The following DPP10 variants were observed in gnomAD, a reference collection of about 807,000 sequenced individuals.
The protein encoded by DPP10 is inactive dipeptidyl peptidase 10.
A neutral mutation model predicts 120.9 loss-of-function variants in DPP10; 33 were observed. The ratio of observed to expected loss-of-function variants is 0.27; its 90% CI spans 0.21 to 0.37. DPP10 has a LOEUF of 0.37. DPP10 is among the 10% of genes least tolerant of loss of function. The pLI is 1.00. For synonymous variants in DPP10, 337 were observed against 326.1 expected (o/e 1.03, Z -0.36); for missense variants, 816 against 942.8 (o/e 0.87, Z 1.76).
chr2:115,615,624 G>T (rs1162782228), intron 5 of DPP10, among the ~76,000 whole-genome samples: 1 of 152,022 alleles, frequency 6.6e-6, no homozygotes. Flanking sequence ...AAAAACAATT[G>T]CTTTCCTATT....
At chr2:114,453,735 T>C (rs2104544753) in intron 1 of DPP10, among the ~76,000 whole-genome samples, 1 of 152,246 alleles carries the variant, frequency 6.6e-6, no homozygotes, top group Non-Finnish European at 1.5e-5. Flanking sequence ...TCCAAAGAAA[T>C]ACCTTGATCT....
At chr2:114,985,441 A>G (rs1401474794) in intron 1 of DPP10, among the ~76,000 whole-genome samples, 1 of 152,170 alleles carries the variant, frequency 6.6e-6, no homozygotes, top group East Asian at 1.9e-4. Context: ...TTACCTGTGT[A>G]TTGTCTGCTC....
intron 21 of DPP10, among the ~76,000 whole-genome samples, chr2:115,832,991 G>A (rs952304228): frequency 6.6e-6 from 1 of 152,114 alleles, no homozygotes; most frequent in Non-Finnish European, 1.5e-5. Context: ...CAGGTCTACT[G>A]AATTTGAATC....
At chr2:115,624,987 G>A (rs1484340815) in intron 5 of DPP10, among the ~76,000 whole-genome samples, 1 of 151,778 alleles carries the variant, frequency 6.6e-6, no homozygotes, top group African/African-American at 2.4e-5. Flanking sequence ...AGTTCCCCTG[G>A]GTTTATTAAA....
At chr2:114,944,396 A>G (rs1164981426) in intron 1 of DPP10, among the ~76,000 whole-genome samples, 2 of 152,126 alleles carry the variant, frequency 1.3e-5, no homozygotes, top group African/African-American at 4.8e-5. Flanking sequence ...CTTTTCTCTG[A>G]TACTAGTGAA....
At chr2:114,532,261 AT>A (rs1403709059) in intron 1 of DPP10, among the ~76,000 whole-genome samples, 5 of 14,770 alleles carry the variant, frequency 3.4e-4, no homozygotes, top group African/African-American at 9.0e-4. Context: ...ATCTCCATAT[AT>A]ATATATATAT....
intron 1 of DPP10, among the ~76,000 whole-genome samples, chr2:114,689,402 G>A (rs1430878325): frequency 6.6e-6 from 1 of 151,908 alleles, no homozygotes; most frequent in Non-Finnish European, 1.5e-5. Context: ...TCCCTGCAAA[G>A]GACATGATCT....
intron 5 of DPP10, among the ~76,000 whole-genome samples, chr2:115,552,627 C>G (rs2079944548): frequency 6.6e-6 from 1 of 152,078 alleles, no homozygotes; most frequent in African/African-American, 2.4e-5. Flanking sequence ...TGTGATAAAA[C>G]AGGGGCAAAT....
intron 1 of DPP10, among the ~76,000 whole-genome samples, chr2:114,742,274 C>T (rs1175029603): frequency 2.0e-5 from 3 of 149,802 alleles, no homozygotes; most frequent in Non-Finnish European, 4.5e-5. Flanking sequence ...CAGCAAATTG[C>T]AAAAACTAAT....
At chr2:114,491,412 CA>C (rs1459359093) in intron 1 of DPP10, among the ~76,000 whole-genome samples, 1 of 152,128 alleles carries the variant, frequency 6.6e-6, no homozygotes, top group African/African-American at 2.4e-5. Flanking sequence ...ATTAAACTTG[CA>C]ATGGATATCC....
At position 115,543,220 on chromosome 2, in the gene DPP10, C is replaced by G. The variant is rs183338949; in HGVS notation, c.441+17248C>G. Among the ~76,000 whole-genome samples the G allele has an allele frequency of 4.1e-4, 62 of 152,108 alleles. No homozygotes were observed. In the East Asian group the frequency reaches 0.012, roughly 29 times the overall value. On this transcript the variant is annotated intron_variant, in intron 5 of 25. Coordinates refer to ENST00000410059, the MANE Select transcript of DPP10 (RefSeq NM_020868.6). ...ATATCACAGCAAACACTAAATAGAC[C>G]TGCCAGAAAATTCCGGTCTTCCGGT...
intron 11 of DPP10, among the ~76,000 whole-genome samples, chr2:115,758,549 A>G (rs1430156322): frequency 6.6e-6 from 1 of 152,118 alleles, no homozygotes; most frequent in Non-Finnish European, 1.5e-5. Flanking sequence ...ATTTTAATAT[A>G]ATACCAATTA....
intron 1 of DPP10, among the ~76,000 whole-genome samples, chr2:114,619,794 G>A (rs1693958803): frequency 6.6e-6 from 1 of 151,628 alleles, no homozygotes; most frequent in Admixed American, 6.6e-5. Context: ...TTCTGCAGGG[G>A]GCTCAGATTA....
chr2:115,330,062 A>G (rs2062618392), intron 2 of DPP10, among the ~76,000 whole-genome samples: 1 of 152,066 alleles, frequency 6.6e-6, no homozygotes, highest in African/African-American at 2.4e-5. Flanking sequence ...CAACAGTGTA[A>G]AAGTGTTCCT....
chr2:115,746,562 T>G (rs1324493780), intron 10 of DPP10, among the ~76,000 whole-genome samples: 1 of 152,186 alleles, frequency 6.6e-6, no homozygotes, highest in Non-Finnish European at 1.5e-5. Context: ...TTGTGAGTTT[T>G]TCCAACTTTC....
At chr2:114,941,459 A>C (rs1404769611) in intron 1 of DPP10, among the ~76,000 whole-genome samples, 1 of 152,218 alleles carries the variant, frequency 6.6e-6, no homozygotes, top group East Asian at 1.9e-4. Flanking sequence ...GAAATTAGTT[A>C]TTCCTTGGAT....
intron 1 of DPP10, among the ~76,000 whole-genome samples, chr2:114,827,024 G>A (rs1256141988): frequency 6.6e-6 from 1 of 152,100 alleles, no homozygotes; most frequent in Non-Finnish European, 1.5e-5. Context: ...GGATCTGGGA[G>A]GTGGTGAACG....
intron 10 of DPP10, 82 bp from the exon 11 acceptor site, chr2:115,753,092 T>C: frequency 2.3e-6 from 3 of 1,328,108 alleles, no homozygotes; most frequent in Non-Finnish European, 3.1e-6. Flanking sequence ...TATTCTTATA[T>C]ATAAAATGGC....
intron 1 of DPP10, among the ~76,000 whole-genome samples, chr2:114,965,038 CAG>C (rs1162371906): frequency 2.6e-5 from 4 of 152,266 alleles, no homozygotes; most frequent in African/African-American, 2.4e-5. Flanking sequence ...TCTGAGCAAA[CAG>C]GGGGCTAGAG....
Sources: allele counts gnomAD v4.1 joint callset (sites outside exome capture counted in the v4.1 genomes callset), GRCh38; gene constraint gnomAD v4.1.1; transcripts MANE v1.5; gene names NCBI Gene and HGNC (gene_info 2026-07-23, HGNC 2026-07-21).